Variants in CSPP1 observed in about 807,000 individuals in gnomAD.
The protein encoded by CSPP1 is centrosome and spindle pole associated protein 1.
CSPP1 carries 126 observed loss-of-function variants against 164.4 expected under a neutral mutation model. The ratio of observed to expected loss-of-function variants is 0.77; its 90% confidence interval spans 0.66 to 0.89. The LOEUF is 0.89. Among genes scored for constraint, CSPP1 ranks in the 40% least tolerant of loss-of-function variants. The probability of loss-of-function intolerance (pLI) is 0.00; values close to 1 mark genes in which losing one functional copy is unlikely to be tolerated. For missense variants in CSPP1, 1,395 were observed against 1,449.8 expected (o/e 0.96, Z 0.61); for synonymous variants, 472 against 476.7 (o/e 0.99, Z 0.13).
chr8:67,188,520 T>C (rs1835308372), intron 28 of CSPP1, among the ~76,000 whole-genome samples: 1 of 152,148 alleles, frequency 6.6e-6, no homozygotes, highest in South Asian at 2.1e-4. Context: ...ACCCCAGGCA[T>C]TTGAGCTGGG....
At chr8:67,089,687 A>G (rs902860543) in intron 4 of CSPP1, among the ~76,000 whole-genome samples, 4 of 152,144 alleles carry the variant, frequency 2.6e-5, no homozygotes, top group African/African-American at 9.7e-5. Flanking sequence ...TGTATCAGAA[A>G]GTTTGGGCAC....
intron 4 of CSPP1, among the ~76,000 whole-genome samples, chr8:67,088,451 C>G (rs553396136): frequency 6.6e-6 from 1 of 151,664 alleles, no homozygotes; most frequent in Non-Finnish European, 1.5e-5. Flanking sequence ...CCATGCCTGG[C>G]TAATTTTTTT....
chr8:67,188,064 T>TA (rs1241416622), intron 28 of CSPP1, among the ~76,000 whole-genome samples: 2 of 152,178 alleles, frequency 1.3e-5, no homozygotes, highest in African/African-American at 4.8e-5. Flanking sequence ...CTCTGCTCTA[T>TA]AAAAGACACT....
At position 67,195,810 on chromosome 8, in the gene CSPP1, GTT is replaced by G. The variant is rs1837832739; in HGVS notation, c.*220_*221del. On this transcript the variant is annotated 3_prime_UTR_variant, in exon 31 of 31. Transcript: ENST00000678616. Reference sequence around the variant, plus strand: ...GAATTGTATAGATTATTTTTGCACAGTTTTGTCATAAATTAGGGTGGTAATGA... The same window carrying G: ...GAATTGTATAGATTATTTTTGCACAGTTGTCATAAATTAGGGTGGTAATGA... 1 of 503,798 alleles carries G rather than the reference GTT, an allele frequency of 2.0e-6. No homozygotes were observed. Among genetic ancestry groups the G allele is most frequent in the African/African-American group, 1.9e-5 (1 of 52,136 alleles). 31.2% of individuals were successfully genotyped at this position (503,798 alleles called of 1,614,324 possible). A position where few individuals can be genotyped will look rare whatever the true frequency, so the allele number is the denominator to read the frequency against.
chr8:67,164,636 T>A (rs1828970254), intron 24 of CSPP1, 128 bp downstream of exon 24: 1 of 538,926 alleles, frequency 1.9e-6, no homozygotes, highest in Non-Finnish European at 3.3e-6. Flanking sequence ...TTCCTTTTCT[T>A]TGTCTTTTAC....
In CSPP1 at chr8:67,154,070, T is replaced by C. The variant is rs1488071590; in HGVS notation, c.2175T>C (p.Phe725=). 6.2e-7 allele frequency: 1 copy of C among 1,608,680 alleles called. No individual in the cohort carries two copies. Among genetic ancestry groups the C allele is most frequent in the Admixed American group, 1.7e-5 (1 of 59,864 alleles). The change falls in exon 19 of 31, where the codon TTT becomes TTC. Residue 725 remains phenylalanine, a synonymous_variant. Coordinates refer to ENST00000678616, the MANE Select transcript of CSPP1 (RefSeq NM_001382391.1). ...CTCCTTTTGCTCGGGGAAATGTATT[T>C]GGTGAGCCTCCAACTGAACTTCAGA... ...QSSPFARGNV[F]GEPPTELQIK...
chr8:67,192,564 C>CTT (rs758748981), intron 29 of CSPP1, among the ~76,000 whole-genome samples: 76 of 152,264 alleles, frequency 5.0e-4, no homozygotes, highest in Non-Finnish European at 9.7e-4. Flanking sequence ...ACTCATCACT[C>CTT]TTTCTTGGGC....
chr8:67,186,751 C>T (rs142860073), intron 28 of CSPP1, among the ~76,000 whole-genome samples: 49 of 152,264 alleles, frequency 3.2e-4, no homozygotes, highest in African/African-American at 1.2e-3. Flanking sequence ...TCACAGATGA[C>T]ATGATTGTCT....
chr8:67,152,261 T>C (rs544004533), intron 18 of CSPP1, among the ~76,000 whole-genome samples: 1 of 152,234 alleles, frequency 6.6e-6, no homozygotes, highest in South Asian at 2.1e-4. Context: ...CATTTGATAT[T>C]TTAAAAGCCT....
At chr8:67,162,594 A>G (rs1828579072) in intron 22 of CSPP1, among the ~76,000 whole-genome samples, 2 of 152,152 alleles carry the variant, frequency 1.3e-5, no homozygotes. Flanking sequence ...TGTAATATTT[A>G]AGTAGGGGAA....
intron 25 of CSPP1, 71 bp downstream of exon 25, chr8:67,172,626 C>A: frequency 7.9e-7 from 1 of 1,268,518 alleles, no homozygotes; most frequent in East Asian, 2.5e-5. Flanking sequence ...CTATAAAGAT[C>A]TTTGTACCCT....
intron 16 of CSPP1, chr8:67,133,966 A>G (rs955209323): frequency 2.0e-5 from 3 of 152,236 alleles, no homozygotes; most frequent in Non-Finnish European, 4.4e-5. Flanking sequence ...AGTTCTCTCA[A>G]GTCTTCCATG....
At chr8:67,079,006 A>G (rs1410547660) in intron 3 of CSPP1, among the ~76,000 whole-genome samples, 1 of 152,100 alleles carries the variant, frequency 6.6e-6, no homozygotes, top group Non-Finnish European at 1.5e-5. Flanking sequence ...GAATTGTCTT[A>G]GGAATTATTC....
Position 67,064,443 on chromosome 8 carries a change from CG to C in CSPP1, c.-105del, listed in dbSNP as rs1322061354. The C allele has an allele frequency of 1.9e-6, 3 of 1,613,832 alleles. No individual in the cohort carries two copies. The highest frequency in any genetic ancestry group is 4.5e-5 in the East Asian group (2 of 44,864). ...TGGCCGCTGTAACCTCTTCGGTCCG[CG>C]ACGATCCTCTAGAGCACTGTGTGTC... On this transcript the variant is annotated 5_prime_UTR_variant, in exon 1 of 31. An upstream open reading frame in the 5' UTR gains an earlier in-frame stop. Transcript: ENST00000678616.
In CSPP1 at chr8:67,163,730, A is replaced by G; in HGVS notation, c.2644-2A>G. On this transcript the variant is annotated splice_acceptor_variant, in intron 22 of 30. Transcript: ENST00000678616. LOFTEE classifies it high-confidence loss of function. ...CATGTCTTTGTCATTATTGTTGAAC[A>G]GGAAAGTTCCATGTCCAGGGCACAG... The G allele has an allele frequency of 6.2e-7, 1 of 1,611,110 alleles. No homozygotes were observed. Among genetic ancestry groups the G allele is most frequent in the Non-Finnish European group, 8.5e-7 (1 of 1,178,046 alleles).
rs1273807622 is a variant in CSPP1, at chr8:67,105,935, T to C, written c.1053T>C (p.Ala351=). 5 of 1,593,096 alleles carry C rather than the reference T, an allele frequency of 3.1e-6. No individual in the cohort carries two copies. Among genetic ancestry groups the C allele is most frequent in the Non-Finnish European group, 4.3e-6 (5 of 1,161,042 alleles). ...SAPDNETSKS[A]NQDTCSPFAG... is the part of the protein sequence containing the mutation. ...CAGACAATGAAACATCCAAATCTGC[T>C]AATCAAGATACCTGTAGTCCTTTTG... The change falls in exon 9 of 31, where the codon GCT becomes GCC. Residue 351 remains alanine, a synonymous_variant. Transcript: ENST00000678616.
At chr8:67,083,531 CAAAAAA>C (rs1171275894) in intron 3 of CSPP1, among the ~76,000 whole-genome samples, 13 of 71,858 alleles carry the variant, frequency 1.8e-4, no homozygotes, top group African/African-American at 9.3e-4. Context: ...GACTTTGTCT[CAAAAAA>C]AAAAAAAAAA....
At chr8:67,065,193 A>T (rs1805291785) in intron 1 of CSPP1, among the ~76,000 whole-genome samples, 1 of 151,914 alleles carries the variant, frequency 6.6e-6, no homozygotes, top group African/African-American at 2.4e-5. Context: ...TTGTGACCGT[A>T]TTTCCCCCCG....
chr8:67,081,946 G>C (rs1365147454), intron 3 of CSPP1, among the ~76,000 whole-genome samples: 1 of 152,144 alleles, frequency 6.6e-6, no homozygotes, highest in Non-Finnish European at 1.5e-5. Flanking sequence ...TTGGTATGTT[G>C]CCCCGGCTGG....
Sources: gnomAD v4.1 joint callset for allele counts (sites outside exome capture counted in the v4.1 genomes callset) on GRCh38, gnomAD v4.1.1 for gene constraint, MANE v1.5 for transcripts, NCBI Gene and HGNC (gene_info 2026-07-23, HGNC 2026-07-21) for gene names.